PCCB: variants seen among roughly 807,000 people sequenced by gnomAD.
PCCB encodes propionyl-CoA carboxylase beta chain, mitochondrial.
In PCCB, 43 loss-of-function variants were observed where a neutral mutation model predicts 60.7. The ratio of observed to expected loss-of-function variants is 0.71; its 90% CI spans 0.55 to 0.91. PCCB has a LOEUF of 0.91. PCCB is among the 40% of genes least tolerant of loss of function. The probability of loss-of-function intolerance (pLI) is 0.00; values close to 1 mark genes in which losing one functional copy is unlikely to be tolerated. For synonymous variants in PCCB, 276 were observed against 255.9 expected, an observed-to-expected ratio of 1.08 and a Z score of -0.75; for missense variants, 766 against 702.8, an observed-to-expected ratio of 1.09 and a Z score of -1.02.
At chr3:136,256,115 G>T in intron 2 of PCCB, 140 bp downstream of exon 2, 1 of 1,265,552 alleles carries the variant, frequency 7.9e-7, no homozygotes, top group South Asian at 1.3e-5. Flanking sequence ...GATAATTTTT[G>T]TATTTTTAGT....
At chr3:136,257,574 T>C (rs1941706081) in intron 3 of PCCB, among the ~76,000 whole-genome samples, 1 of 152,216 alleles carries the variant, frequency 6.6e-6, no homozygotes, top group South Asian at 2.1e-4. Flanking sequence ...GATTTGACTT[T>C]TTTCTCTCCA....
intron 5 of PCCB, among the ~76,000 whole-genome samples, chr3:136,279,611 T>G (rs7628146): frequency 0.75 from 114,015 of 151,980 alleles, 42,955 homozygotes; most frequent in East Asian, 0.86. Context: ...TTTATACATG[T>G]TATACTCATT....
At position 136,281,249 on chromosome 3, in the gene PCCB, T is replaced by C. The variant is rs573075992; in HGVS notation, c.544-2588T>C. Among the ~76,000 whole-genome samples the C allele has an allele frequency of 2.1e-3, 322 of 152,264 alleles. 2 individuals are homozygous for C. Among genetic ancestry groups the C allele is most frequent in the Non-Finnish European group, 2.3e-3 (155 of 68,000 alleles). Reference sequence around the variant, plus strand: ...TTCTGTTCTTCTGAGATTCCTATAATGTGTATATTGGTATGTTTGGTTTCC... The same window carrying C: ...TTCTGTTCTTCTGAGATTCCTATAACGTGTATATTGGTATGTTTGGTTTCC... On this transcript the variant is annotated intron_variant, in intron 5 of 14. Coordinates refer to ENST00000251654, the MANE Select transcript of PCCB (RefSeq NM_000532.5).
chr3:136,272,384 G>A (rs745339430), intron 5 of PCCB, among the ~76,000 whole-genome samples: 2 of 152,024 alleles, frequency 1.3e-5, no homozygotes, highest in Non-Finnish European at 2.9e-5. Context: ...GAATGATTTA[G>A]GAAGGATTCC....
intron 2 of PCCB, chr3:136,256,251 C>T: frequency 1.8e-6 from 1 of 565,758 alleles, no homozygotes. Context: ...CCTTGTGTTT[C>T]TTTATACGTC....
intron 1 of PCCB, 32 bp downstream of exon 1, chr3:136,250,590 C>T (rs1311671393): frequency 3.8e-6 from 6 of 1,584,972 alleles, no homozygotes; most frequent in Admixed American, 1.8e-5. Flanking sequence ...TGAGTCCCGC[C>T]CCTGGCGTCC....
intron 10 of PCCB, among the ~76,000 whole-genome samples, chr3:136,323,819 A>AC (rs1247330674): frequency 6.6e-6 from 1 of 151,800 alleles, no homozygotes; most frequent in Non-Finnish European, 1.5e-5. Context: ...AAAAAAAAAA[A>AC]AAAACCCACT....
At chr3:136,320,286 T>A (rs1380329509) in intron 10 of PCCB, among the ~76,000 whole-genome samples, 1 of 152,230 alleles carries the variant, frequency 6.6e-6, no homozygotes, top group Non-Finnish European at 1.5e-5. Context: ...TTACTCTGAG[T>A]AGTATTGACA....
At chr3:136,250,697 A>C in intron 1 of PCCB, 139 bp downstream of exon 1, 1 of 821,760 alleles carries the variant, frequency 1.2e-6, no homozygotes, top group Admixed American at 3.0e-5. Flanking sequence ...TTCACCTTGA[A>C]AACCTGTAGC....
chr3:136,293,734 T>C (rs1226734048), intron 6 of PCCB, 22 bp from the exon 7 acceptor site: 47 of 1,482,644 alleles, frequency 3.2e-5, no homozygotes, highest in Non-Finnish European at 4.2e-5. Flanking sequence ...AGGTTGACTG[T>C]TCTGGAAATC....
intron 9 of PCCB, among the ~76,000 whole-genome samples, chr3:136,316,123 G>T (rs1472137986): frequency 6.6e-6 from 1 of 151,762 alleles, no homozygotes; most frequent in Non-Finnish European, 1.5e-5. Context: ...GGAGGCAGAG[G>T]TGGGGAAGAT....
chr3:136,269,740 G>T (rs1268999096), intron 5 of PCCB, among the ~76,000 whole-genome samples: 1 of 152,012 alleles, frequency 6.6e-6, no homozygotes, highest in Non-Finnish European at 1.5e-5. Flanking sequence ...AAAAAAATTA[G>T]CCGGGTGTGG....
At chr3:136,283,710 G>T in intron 5 of PCCB, 127 bp from the exon 6 acceptor site, 1 of 693,908 alleles carries the variant, frequency 1.4e-6, no homozygotes, top group Non-Finnish European at 2.6e-6. Context: ...GATTAGGTCT[G>T]TTGCCTCCTG....
intron 5 of PCCB, among the ~76,000 whole-genome samples, chr3:136,263,739 C>A (rs117752803): frequency 2.0e-5 from 3 of 152,068 alleles, no homozygotes; most frequent in Non-Finnish European, 4.4e-5. Flanking sequence ...AGCCTGGGCA[C>A]GGTGGCTCAC....
intron 9 of PCCB, among the ~76,000 whole-genome samples, chr3:136,303,310 TTTG>T (rs1934353766): frequency 8.2e-6 from 1 of 122,074 alleles, no homozygotes; most frequent in African/African-American, 2.5e-5. Flanking sequence ...TTTAAATATT[TTTG>T]TTGTTGTTTA....
intron 9 of PCCB, among the ~76,000 whole-genome samples, chr3:136,303,708 A>G (rs915017266): frequency 2.5e-5 from 3 of 121,536 alleles, no homozygotes; most frequent in African/African-American, 7.5e-5. Flanking sequence ...GGTTCAACCA[A>G]TTCTCCTGCA....
chr3:136,283,972 G>T (rs758929832), intron 6 of PCCB, 25 bp downstream of exon 6: 3 of 1,444,322 alleles, frequency 2.1e-6, no homozygotes, highest in Non-Finnish European at 2.9e-6. Flanking sequence ...CCTGTTTTTG[G>T]TGCCGTTTGA....
intron 5 of PCCB, among the ~76,000 whole-genome samples, chr3:136,273,578 C>CTTTTTTTTTTTTTTTTTTATTTT (rs56936911): frequency 1.7e-5 from 1 of 59,204 alleles, no homozygotes; most frequent in Non-Finnish European, 3.8e-5. Context: ...CTTTTTCTTT[C>CTTTTTTTTTTTTTTTTTTATTTT]TTTTTTTTTT....
At position 136,277,168 on chromosome 3, in the gene PCCB, G is replaced by A. The variant is rs535406469; in HGVS notation, c.544-6669G>A. ...TTCCTTGGTTACAGAAAGCCTTAGT[G>A]TGCTGGCTTTCTCGAATGCTGGTTA... On this transcript the variant is annotated intron_variant, in intron 5 of 14. Coordinates refer to ENST00000251654, the MANE Select transcript of PCCB (RefSeq NM_000532.5). Among the ~76,000 whole-genome samples, 26 of 152,342 alleles carry A rather than the reference G, an allele frequency of 1.7e-4. 1 individual carries two copies. The South Asian group carries it at 4.3e-3, about 25-fold the overall frequency.
Sources: gnomAD v4.1 joint callset for allele counts (sites outside exome capture counted in the v4.1 genomes callset) on GRCh38, gnomAD v4.1.1 for gene constraint, MANE v1.5 for transcripts, NCBI Gene and HGNC (gene_info 2026-07-23, HGNC 2026-07-21) for gene names.